The following HTR2A variants were observed in gnomAD, a reference collection of about 807,000 sequenced individuals.
The protein encoded by HTR2A is 5-hydroxytryptamine receptor 2A, also known as 5-HT2 receptor.
Under a neutral mutation model 31.0 loss-of-function variants are expected in HTR2A, and 14 were observed. The ratio of observed to expected loss-of-function variants is 0.45; its 90% confidence interval spans 0.30 to 0.71. The LOEUF is 0.71. Ranked by LOEUF, HTR2A falls within the 30% of genes least tolerant of loss-of-function variation. The pLI is 0.09. For missense variants in HTR2A, 442 were observed against 573.3 expected (o/e 0.77, Z 2.34); for synonymous variants, 209 against 225.2 (o/e 0.93, Z 0.64).
At chr13:46,890,284 G>A (rs1322455983) in intron 3 of HTR2A, among the ~76,000 whole-genome samples, 3 of 152,274 alleles carry the variant, frequency 2.0e-5, no homozygotes, top group Admixed American at 6.5e-5. Context: ...CGGAGGTTGC[G>A]GTGAGCCAAG....
chr13:46,854,880 T>G (rs1434737194), intron 3 of HTR2A, among the ~76,000 whole-genome samples: 1 of 152,192 alleles, frequency 6.6e-6, no homozygotes, highest in African/African-American at 2.4e-5. Context: ...TAGATTCTTT[T>G]GTAGATGATC....
chr13:46,871,514 A>G (rs191689804), intron 3 of HTR2A, among the ~76,000 whole-genome samples: 88 of 152,372 alleles, frequency 5.8e-4, no homozygotes, highest in African/African-American at 2.1e-3. Context: ...GTGGAAAAAG[A>G]AAATAAACAA....
chr13:46,886,545 T>C (rs1371175979), intron 3 of HTR2A, among the ~76,000 whole-genome samples: 1 of 151,844 alleles, frequency 6.6e-6, no homozygotes, highest in Non-Finnish European at 1.5e-5. Flanking sequence ...ATATTAAAAA[T>C]GAAAAGGTGA....
At chr13:46,886,112 G>T (rs1403916745) in intron 3 of HTR2A, among the ~76,000 whole-genome samples, 1 of 151,932 alleles carries the variant, frequency 6.6e-6, no homozygotes, top group Admixed American at 6.6e-5. Context: ...TTTTTGACTT[G>T]CTTTTAAAGA....
At chr13:46,843,768 G>C (rs1338622353) in intron 3 of HTR2A, among the ~76,000 whole-genome samples, 1 of 152,178 alleles carries the variant, frequency 6.6e-6, no homozygotes, top group Non-Finnish European at 1.5e-5. Context: ...CCAATGAGTA[G>C]GGGCTCCAGG....
intron 3 of HTR2A, among the ~76,000 whole-genome samples, chr13:46,867,584 A>G (rs957243035): frequency 1.3e-5 from 2 of 152,234 alleles, no homozygotes; most frequent in African/African-American, 4.8e-5. Flanking sequence ...AATAGTGAAT[A>G]ATCTTTCAAG....
intron 3 of HTR2A, among the ~76,000 whole-genome samples, chr13:46,845,941 C>G (rs918189524): frequency 6.6e-6 from 1 of 152,148 alleles, no homozygotes; most frequent in South Asian, 2.1e-4. Context: ...TTTACTATAC[C>G]TTTTCTGATA....
At chr13:46,870,176 C>G (rs1950854072) in intron 3 of HTR2A, among the ~76,000 whole-genome samples, 2 of 151,948 alleles carry the variant, frequency 1.3e-5, no homozygotes, top group Non-Finnish European at 2.9e-5. Flanking sequence ...TTATTGGGGT[C>G]TAAGTAAACA....
intron 3 of HTR2A, among the ~76,000 whole-genome samples, chr13:46,845,487 G>A (rs1229442892): frequency 6.6e-6 from 1 of 152,076 alleles, no homozygotes; most frequent in Non-Finnish European, 1.5e-5. Flanking sequence ...CTCTATCTAT[G>A]ATAGCAATCA....
chr13:46,853,111 C>T (rs1950700959), intron 3 of HTR2A, among the ~76,000 whole-genome samples: 1 of 151,984 alleles, frequency 6.6e-6, no homozygotes, highest in Non-Finnish European at 1.5e-5. Context: ...TCTCATATGC[C>T]TAGAAATTTT....
At position 46,873,260 on chromosome 13, in the gene HTR2A, GT is replaced by G. The variant is rs564738827; in HGVS notation, c.613+19129del. 1.1e-3 allele frequency among the ~76,000 whole-genome samples: 171 copies of G among 151,116 alleles called. 2 individuals carry two copies. The highest frequency in any genetic ancestry group is 4.0e-3 in the African/African-American group (165 of 41,170). ...CACTGATTACATAGACACCACTTTT[GT>G]TTTTTATTCCATTTTTTGTTTTAAC... On this transcript the variant is annotated intron_variant, in intron 3 of 3. Coordinates refer to ENST00000542664, the MANE Select transcript of HTR2A (RefSeq NM_000621.5).
chr13:46,872,952 G>A (rs140506623), intron 3 of HTR2A, among the ~76,000 whole-genome samples: 1,733 of 152,188 alleles, frequency 0.011, 24 homozygotes, highest in Non-Finnish European at 0.017. Flanking sequence ...GTGCAATGGC[G>A]TGATCTCAGC....
chr13:46,839,990 G>A (rs1426144611), intron 3 of HTR2A, among the ~76,000 whole-genome samples: 1 of 152,108 alleles, frequency 6.6e-6, no homozygotes, highest in Non-Finnish European at 1.5e-5. Flanking sequence ...CCATTCTCTT[G>A]TAGGGAACAG....
At chr13:46,845,607 C>A (rs1950635284) in intron 3 of HTR2A, among the ~76,000 whole-genome samples, 1 of 142,338 alleles carries the variant, frequency 7.0e-6, no homozygotes, top group Non-Finnish European at 1.5e-5. Context: ...ACTTTACAAT[C>A]TAACACCTTC....
At chr13:46,844,322 A>C (rs1950623053) in intron 3 of HTR2A, among the ~76,000 whole-genome samples, 1 of 152,242 alleles carries the variant, frequency 6.6e-6, no homozygotes, top group South Asian at 2.1e-4. Context: ...CTTTATAGAC[A>C]CAGCTTGAAG....
At chr13:46,840,985 G>A (rs73473868) in intron 3 of HTR2A, among the ~76,000 whole-genome samples, 2,687 of 152,152 alleles carry the variant, frequency 0.018, 79 homozygotes, top group African/African-American at 0.062. Context: ...TTGGATCATG[G>A]GGAGGTTTCT....
chr13:46,847,633 GTTC>G (rs1950652728), intron 3 of HTR2A, among the ~76,000 whole-genome samples: 2 of 152,154 alleles, frequency 1.3e-5, no homozygotes, highest in Non-Finnish European at 1.5e-5. Flanking sequence ...TTTCTTTTGG[GTTC>G]TTCTTTATTT....
At chr13:46,873,603 T>C in intron 3 of HTR2A, among the ~76,000 whole-genome samples, 1 of 151,106 alleles carries the variant, frequency 6.6e-6, no homozygotes, top group South Asian at 2.1e-4. Flanking sequence ...CCCCTCCCCC[T>C]ACCCCACAAC....
chr13:46,889,877 C>T lies in HTR2A; in HGVS notation c.613+2513G>A, dbSNP rs145392060. 3.3e-3 allele frequency among the ~76,000 whole-genome samples: 497 copies of T among 152,256 alleles called. 2 individuals carry two copies. Among genetic ancestry groups the T allele is most frequent in the African/African-American group, 0.011 (440 of 41,522 alleles). On this transcript the variant is annotated intron_variant, in intron 3 of 3. Coordinates refer to ENST00000542664, the MANE Select transcript of HTR2A (RefSeq NM_000621.5). ...CTGCCTTTTTCCTTTTTACATTTTC[C>T]GCTTGCCCCCTCCTCAGGGCACACA...
Sources: gnomAD v4.1 joint callset for allele counts (sites outside exome capture counted in the v4.1 genomes callset) on GRCh38, gnomAD v4.1.1 for gene constraint, MANE v1.5 for transcripts, NCBI Gene and HGNC (gene_info 2026-07-23, HGNC 2026-07-21) for gene names.